The following MYO1D variants were observed in gnomAD, a reference collection of about 807,000 sequenced individuals.
MYO1D encodes the protein myosin ID, also known as unconventional myosin-Id.
A neutral mutation model predicts 122.0 loss-of-function variants in MYO1D; 83 were observed. The observed-to-expected ratio is 0.68, with a 90% CI of 0.57 to 0.82. The LOEUF is 0.82. Ranked by LOEUF, MYO1D falls within the 40% of genes least tolerant of loss-of-function variation. The pLI, the probability that MYO1D is intolerant of heterozygous loss-of-function variation, is 0.00. For missense variants in MYO1D, 1,157 were observed against 1,269.5 expected (o/e 0.91, Z 1.35); for synonymous variants, 464 against 446.9 (o/e 1.04, Z -0.48).
chr17:32,787,608 A>T (rs1281195266), intron 1 of MYO1D, among the ~76,000 whole-genome samples: 1 of 152,096 alleles, frequency 6.6e-6, no homozygotes, highest in Admixed American at 6.6e-5. Flanking sequence ...TAGTAGAGAC[A>T]GGGTTTCACT....
intron 11 of MYO1D, among the ~76,000 whole-genome samples, chr17:32,750,650 G>A (rs2089889801): frequency 6.6e-6 from 1 of 151,930 alleles, no homozygotes; most frequent in East Asian, 1.9e-4. Context: ...AATTTTCCTA[G>A]GGAAATATAC....
intron 1 of MYO1D, among the ~76,000 whole-genome samples, chr17:32,832,889 A>G (rs908314787): frequency 6.6e-6 from 1 of 152,248 alleles, no homozygotes; most frequent in Non-Finnish European, 1.5e-5. Flanking sequence ...TATCTGATCT[A>G]TAAAATGTTT....
intron 19 of MYO1D, among the ~76,000 whole-genome samples, chr17:32,651,577 A>C (rs1391172236): frequency 6.6e-6 from 1 of 151,916 alleles, no homozygotes; most frequent in Non-Finnish European, 1.5e-5. Flanking sequence ...TTCATATTTC[A>C]GGGAACATTG....
intron 21 of MYO1D, among the ~76,000 whole-genome samples, chr17:32,569,566 C>A (rs752729789): frequency 6.6e-6 from 1 of 152,182 alleles, no homozygotes; most frequent in Non-Finnish European, 1.5e-5. Flanking sequence ...GACTGGGAAC[C>A]GTCACCTCCC....
intron 5 of MYO1D, 40 bp from the exon 6 acceptor site, chr17:32,771,260 C>T: frequency 7.1e-7 from 1 of 1,414,158 alleles, no homozygotes; most frequent in South Asian, 1.2e-5. Context: ...GCCAGACATA[C>T]ATTGAACCAA....
At chr17:32,627,037 T>C (rs1184434067) in intron 20 of MYO1D, among the ~76,000 whole-genome samples, 1 of 152,176 alleles carries the variant, frequency 6.6e-6, no homozygotes. Flanking sequence ...TTTCCAAATA[T>C]CTAATTTTGC....
At chr17:32,647,687 ATTT>A (rs10561856) in intron 19 of MYO1D, among the ~76,000 whole-genome samples, 55,561 of 136,364 alleles carry the variant, frequency 0.41, 10,598 homozygotes, top group East Asian at 0.52. Context: ...TAGCTTATAC[ATTT>A]TTTTTTTTTT....
intron 16 of MYO1D, among the ~76,000 whole-genome samples, chr17:32,667,915 T>C (rs1868613105): frequency 6.6e-6 from 1 of 152,206 alleles, no homozygotes; most frequent in Non-Finnish European, 1.5e-5. Context: ...CAAGAAGTAA[T>C]TGAACCTTTT....
At chr17:32,777,924 A>T (rs907736128) in intron 3 of MYO1D, among the ~76,000 whole-genome samples, 28 of 152,122 alleles carry the variant, frequency 1.8e-4, no homozygotes, top group Middle Eastern at 3.4e-3. Context: ...ACAGAGCGAG[A>T]CTCCATCTCA....
At chr17:32,749,132 T>G (rs1463768157) in intron 11 of MYO1D, 126 bp from the exon 12 acceptor site, 1 of 835,722 alleles carries the variant, frequency 1.2e-6, no homozygotes, top group Non-Finnish European at 1.9e-6. Flanking sequence ...GGGGCTTGAT[T>G]TAAAAATATG....
intron 21 of MYO1D, among the ~76,000 whole-genome samples, chr17:32,578,665 T>A (rs1471078502): frequency 6.6e-6 from 1 of 152,268 alleles, no homozygotes; most frequent in Non-Finnish European, 1.5e-5. Context: ...TTACCCTCAA[T>A]GCTTTTACAA....
chr17:32,876,653 C>T (rs1233091747), intron 1 of MYO1D, 125 bp downstream of exon 1: 1 of 705,116 alleles, frequency 1.4e-6, no homozygotes, highest in Non-Finnish European at 2.1e-6. Flanking sequence ...GACACCGCAG[C>T]CCGGCCGCGC....
intron 21 of MYO1D, among the ~76,000 whole-genome samples, chr17:32,502,585 T>C (rs1041336070): frequency 1.3e-5 from 2 of 152,230 alleles, no homozygotes; most frequent in African/African-American, 2.4e-5. Flanking sequence ...AAATGTGGAT[T>C]GACCTAAATG....
intron 15 of MYO1D, among the ~76,000 whole-genome samples, chr17:32,718,503 G>A (rs1380644523): frequency 2.0e-5 from 3 of 152,018 alleles, no homozygotes; most frequent in Non-Finnish European, 2.9e-5. Context: ...GTTGAGACCA[G>A]CCTGGCCAAC....
At position 32,659,137 on chromosome 17, in the gene MYO1D, C is replaced by A; in HGVS notation, c.2323G>T (p.Ala775Ser). ...PPKVLRRFEE[A>S]LQTIFNRWRA... ...TACCTATTGAAAATCGTCTGCAGGG[C>A]CTCCTCAAAACGGCGAAGAACTTTA... The change falls in exon 17 of 22, where the codon GCC becomes TCC. Residue 775 changes from alanine to serine, a missense_variant. Coordinates refer to ENST00000318217, the MANE Select transcript of MYO1D (RefSeq NM_015194.3). 1 of 1,614,176 alleles carries A rather than the reference C, an allele frequency of 6.2e-7. No homozygotes were observed. The highest frequency in any genetic ancestry group is 8.5e-7 in the Non-Finnish European group (1 of 1,180,036).
At chr17:32,568,993 A>C (rs573085197) in intron 21 of MYO1D, among the ~76,000 whole-genome samples, 1 of 152,164 alleles carries the variant, frequency 6.6e-6, no homozygotes, top group South Asian at 2.1e-4. Context: ...CCTTGTGGCC[A>C]CCCCCAATAT....
chr17:32,839,554 G>A (rs1169414437), intron 1 of MYO1D, among the ~76,000 whole-genome samples: 1 of 152,188 alleles, frequency 6.6e-6, no homozygotes, highest in East Asian at 1.9e-4. Flanking sequence ...AACACTGTGA[G>A]CTGGAATATG....
At chr17:32,765,924 C>A (rs1420485866) in intron 7 of MYO1D, among the ~76,000 whole-genome samples, 1 of 152,040 alleles carries the variant, frequency 6.6e-6, no homozygotes, top group Non-Finnish European at 1.5e-5. Flanking sequence ...GGGTCTGTCA[C>A]CCAGGCTGGA....
intron 20 of MYO1D, among the ~76,000 whole-genome samples, chr17:32,626,201 C>T (rs1328272358): frequency 6.6e-6 from 1 of 152,250 alleles, no homozygotes; most frequent in African/African-American, 2.4e-5. Flanking sequence ...ATGCACAGCA[C>T]ATGGGAGGTG....
Sources: allele counts gnomAD v4.1 joint callset (sites outside exome capture counted in the v4.1 genomes callset), GRCh38; gene constraint gnomAD v4.1.1; transcripts MANE v1.5; gene names NCBI Gene and HGNC (gene_info 2026-07-23, HGNC 2026-07-21).